The following PAM variants were observed in gnomAD, a reference collection of about 807,000 sequenced individuals.
PAM encodes peptidylglycine alpha-amidating monooxygenase.
PAM carries 72 observed loss-of-function variants against 122.1 expected under a neutral mutation model. That is an observed-to-expected ratio of 0.59 (90% confidence interval 0.49 to 0.72). The LOEUF is 0.72. PAM is among the 30% of genes least tolerant of loss of function. The pLI, the probability that PAM is intolerant of heterozygous loss-of-function variation, is 0.00. For missense variants in PAM, 1,106 were observed against 1,183.7 expected (o/e 0.93, Z 0.96); for synonymous variants, 389 against 404.4 (o/e 0.96, Z 0.46).
chr5:102,974,918 C>T (rs887116902), intron 15 of PAM: 1 of 152,274 alleles, frequency 6.6e-6, no homozygotes, highest in African/African-American at 2.4e-5. Context: ...AAAATATAAC[C>T]ATTTTTATGA....
At chr5:102,967,716 C>CTTTT (rs199841427) in intron 14 of PAM, among the ~76,000 whole-genome samples, 3 of 131,058 alleles carry the variant, frequency 2.3e-5, no homozygotes, top group Non-Finnish European at 3.2e-5. Context: ...AAAACTAGGC[C>CTTTT]TTTTTTTTTT....
intron 1 of PAM, among the ~76,000 whole-genome samples, chr5:102,798,444 T>C (rs891809140): frequency 5.3e-5 from 8 of 152,354 alleles, no homozygotes; most frequent in African/African-American, 1.9e-4. Flanking sequence ...GAAGGAGGTA[T>C]ATTATTGAAT....
At chr5:102,917,649 T>A (rs1028225386) in intron 5 of PAM, among the ~76,000 whole-genome samples, 7 of 152,212 alleles carry the variant, frequency 4.6e-5, no homozygotes, top group African/African-American at 1.7e-4. Flanking sequence ...TGCGAGCAGG[T>A]TGGCAAATAG....
intron 3 of PAM, among the ~76,000 whole-genome samples, chr5:102,900,821 G>C (rs2151400988): frequency 6.6e-6 from 1 of 151,498 alleles, no homozygotes; most frequent in African/African-American, 2.4e-5. Flanking sequence ...AACTAGAAAA[G>C]AAATAATAGC....
At chr5:102,775,731 AGTGTATCATTGATGG>A (rs1336326255) in intron 1 of PAM, among the ~76,000 whole-genome samples, 2 of 152,092 alleles carry the variant, frequency 1.3e-5, no homozygotes, top group African/African-American at 4.8e-5. Context: ...TTCTTTATTC[AGTGTATCATTGATGG>A]GCATTTGGGT....
At position 102,927,832 on chromosome 5, in the gene PAM, A is replaced by T. The variant is rs865834238; in HGVS notation, c.526+1164A>T. ...TGAACCTAACTTAGAAATAAAATTT[A>T]TTTTTAGATTAAAAATATGCTTTGA... On this transcript the variant is annotated intron_variant, in intron 7 of 25. Coordinates refer to ENST00000438793, the MANE Select transcript of PAM (RefSeq NM_001177306.2). Among the ~76,000 whole-genome samples, 30 of 151,420 alleles carry T rather than the reference A, an allele frequency of 2.0e-4. No individual in the cohort carries two copies. The South Asian group carries it at 2.9e-3, about 15-fold the overall frequency.
intron 5 of PAM, among the ~76,000 whole-genome samples, chr5:102,916,799 C>T (rs1184897786): frequency 6.7e-6 from 1 of 149,964 alleles, no homozygotes; most frequent in Non-Finnish European, 1.5e-5. Context: ...GTGGTGCGAT[C>T]TCAGCTCACT....
At chr5:103,017,506 A>G (rs986623800) in intron 22 of PAM, 73 bp downstream of exon 22, 11 of 899,036 alleles carry the variant, frequency 1.2e-5, no homozygotes, top group Middle Eastern at 2.2e-4. Flanking sequence ...AAACAAAAAC[A>G]TTTGCATTTC....
chr5:102,870,383 A>C (rs1295658414), intron 3 of PAM, among the ~76,000 whole-genome samples: 4 of 152,174 alleles, frequency 2.6e-5, no homozygotes, highest in African/African-American at 9.7e-5. Context: ...AACCTTAGAC[A>C]TAATACAGAT....
chr5:102,918,434 T>TA (rs1255700588), intron 5 of PAM, among the ~76,000 whole-genome samples: 2 of 152,136 alleles, frequency 1.3e-5, no homozygotes, highest in African/African-American at 4.8e-5. Flanking sequence ...TTGAAGTTGT[T>TA]AGAGTCAGTA....
intron 3 of PAM, among the ~76,000 whole-genome samples, chr5:102,887,196 G>T (rs1793393240): frequency 1.3e-5 from 2 of 152,046 alleles, no homozygotes; most frequent in South Asian, 2.1e-4. Flanking sequence ...CGTGGAGGCA[G>T]ATCTCTCATG....
At chr5:102,983,806 T>C (rs1185548974) in intron 15 of PAM, among the ~76,000 whole-genome samples, 2 of 152,164 alleles carry the variant, frequency 1.3e-5, no homozygotes, top group Non-Finnish European at 2.9e-5. Flanking sequence ...TCAAGTCACA[T>C]ATAAGGAAAC....
chr5:102,913,708 A>T (rs568499600), intron 4 of PAM, among the ~76,000 whole-genome samples: 1 of 151,960 alleles, frequency 6.6e-6, no homozygotes, highest in African/African-American at 2.4e-5. Flanking sequence ...GTGTGTGTGT[A>T]TGTGGGTGTG....
At chr5:102,877,575 T>A (rs1789635696) in intron 3 of PAM, among the ~76,000 whole-genome samples, 1 of 152,176 alleles carries the variant, frequency 6.6e-6, no homozygotes, top group African/African-American at 2.4e-5. Flanking sequence ...AAGCTACCAT[T>A]CTAGAAATAC....
At chr5:102,900,950 G>A (rs1189320784) in intron 3 of PAM, among the ~76,000 whole-genome samples, 3 of 151,518 alleles carry the variant, frequency 2.0e-5, no homozygotes. Context: ...TAATATTTGA[G>A]GCATTTGTAA....
intron 23 of PAM, among the ~76,000 whole-genome samples, chr5:103,024,545 T>C (rs1378719976): frequency 6.6e-6 from 1 of 152,182 alleles, no homozygotes; most frequent in African/African-American, 2.4e-5. Context: ...CAGCTGTCCA[T>C]GTGAAATACC....
chr5:102,839,043 G>A (rs1447894700), intron 1 of PAM, among the ~76,000 whole-genome samples: 1 of 152,054 alleles, frequency 6.6e-6, no homozygotes, highest in Non-Finnish European at 1.5e-5. Context: ...CATACACACA[G>A]ATGCGTATAT....
At chr5:102,989,332 C>T (rs1328889797) in intron 15 of PAM, among the ~76,000 whole-genome samples, 1 of 152,046 alleles carries the variant, frequency 6.6e-6, no homozygotes, top group African/African-American at 2.4e-5. Flanking sequence ...AGTGAGATGC[C>T]ATCTCTCGAA....
chr5:102,936,231 C>T (rs1436804017), intron 7 of PAM, among the ~76,000 whole-genome samples: 1 of 152,022 alleles, frequency 6.6e-6, no homozygotes, highest in Non-Finnish European at 1.5e-5. Context: ...ACATTGAAAT[C>T]AGCTATGGTG....
Sources: allele counts gnomAD v4.1 joint callset (sites outside exome capture counted in the v4.1 genomes callset), GRCh38; gene constraint gnomAD v4.1.1; transcripts MANE v1.5; gene names NCBI Gene and HGNC (gene_info 2026-07-23, HGNC 2026-07-21).